EDARADD: variants seen among roughly 807,000 people sequenced by gnomAD.
EDARADD encodes the protein EDAR associated via death domain.
EDARADD carries 20 observed loss-of-function variants against 25.6 expected under a neutral mutation model. That is an observed-to-expected ratio of 0.78 (90% CI 0.55 to 1.14). EDARADD has a LOEUF of 1.14. EDARADD is among the 50% of genes most tolerant of loss of function. EDARADD has a pLI of 0.00. For missense variants in EDARADD, 225 were observed against 270.1 expected, an observed-to-expected ratio of 0.83 and a Z score of 1.17; for synonymous variants, 86 against 94.4, an observed-to-expected ratio of 0.91 and a Z score of 0.52.
intron 3 of EDARADD, among the ~76,000 whole-genome samples, chr1:236,416,182 C>A (rs368752387): frequency 6.6e-6 from 1 of 152,132 alleles, no homozygotes; most frequent in Non-Finnish European, 1.5e-5. Context: ...CTCAGCACAG[C>A]GGGGAGGACA....
chr1:236,414,048 C>T lies in EDARADD; in HGVS notation c.121-212C>T, dbSNP rs759391433. On this transcript the variant is annotated intron_variant, in intron 2 of 5. Transcript: ENST00000334232. Reference sequence around the variant, plus strand: ...GAAATTTGGAAGCCTTATTCTGTTTCATGTTCCAGCATTAACCTCTTGTCA... The same window carrying T: ...GAAATTTGGAAGCCTTATTCTGTTTTATGTTCCAGCATTAACCTCTTGTCA... Among the ~76,000 whole-genome samples the T allele has an allele frequency of 3.3e-5, 5 of 152,236 alleles. No individual in the cohort carries two copies. In the South Asian group the frequency reaches 6.2e-4, roughly 19 times the overall value.
chr1:236,433,890 C>A (rs1162613452), intron 4 of EDARADD, among the ~76,000 whole-genome samples: 4 of 148,086 alleles, frequency 2.7e-5, no homozygotes, highest in Admixed American at 6.7e-5. Context: ...AACAAACAAA[C>A]AAAAAAAACA....
rs1667352833 is a variant in EDARADD, at chr1:236,386,446, G to A, written c.-5-22770G>A. On this transcript the variant is annotated intron_variant, in intron 3 of 7. Transcript: ENST00000439430. ...AAGTGAGGAGCATCTCCGCCCGGCC[G>A]CCATCCCATCTAGGAAGTGAGGAGC... Among the ~76,000 whole-genome samples the A allele has an allele frequency of 7.4e-5, 2 of 27,176 alleles. 1 individual carries two copies. Among genetic ancestry groups the A allele is most frequent in the Non-Finnish European group, 1.5e-4 (2 of 13,396 alleles). 17.8% of individuals were successfully genotyped at this position (27,176 alleles called of 152,430 possible).
intron 3 of EDARADD, among the ~76,000 whole-genome samples, chr1:236,363,006 A>AAAAT (rs1377112051): frequency 2.8e-4 from 12 of 42,940 alleles, no homozygotes; most frequent in African/African-American, 6.6e-4. Flanking sequence ...AAAAAAAAAA[A>AAAAT]ATATATATAT....
chr1:236,390,283 T>A (rs4659663), upstream of EDARADD, among the ~76,000 whole-genome samples: 1 of 151,958 alleles, frequency 6.6e-6, no homozygotes, highest in East Asian at 1.9e-4. Flanking sequence ...TGGCCGGGCG[T>A]GGTGGCTCAT....
At chr1:236,435,393 A>C (rs965096726) in intron 4 of EDARADD, among the ~76,000 whole-genome samples, 4 of 152,106 alleles carry the variant, frequency 2.6e-5, no homozygotes, top group Non-Finnish European at 4.4e-5. Flanking sequence ...GAGGGCAGGG[A>C]CTCCTGTGTC....
intron 1 of EDARADD, among the ~76,000 whole-genome samples, chr1:236,396,761 G>A (rs1335610513): frequency 6.6e-6 from 1 of 151,060 alleles, no homozygotes; most frequent in African/African-American, 2.4e-5. Context: ...TAAATACATT[G>A]TCTAGATATT....
intron 2 of EDARADD, among the ~76,000 whole-genome samples, chr1:236,413,383 T>C (rs1363462536): frequency 6.6e-6 from 1 of 152,226 alleles, no homozygotes; most frequent in African/African-American, 2.4e-5. Context: ...GGAAAGGCAC[T>C]TAAAACAAAA....
chr1:236,424,154 C>CTTTTTTT (rs34454343), intron 3 of EDARADD, among the ~76,000 whole-genome samples: 45 of 74,420 alleles, frequency 6.0e-4, no homozygotes, highest in African/African-American at 1.4e-3. Flanking sequence ...TGTGAAGCAT[C>CTTTTTTT]TTTTTTTTTT....
At chr1:236,470,611 T>C (rs1331982996) in intron 5 of EDARADD, among the ~76,000 whole-genome samples, 1 of 152,126 alleles carries the variant, frequency 6.6e-6, no homozygotes, top group Non-Finnish European at 1.5e-5. Flanking sequence ...TTGTTATTTT[T>C]TTTGTTTTTT....
intron 4 of EDARADD, 118 bp downstream of exon 4, chr1:236,427,568 C>A (rs1024171773): frequency 2.2e-5 from 22 of 997,912 alleles, no homozygotes; most frequent in Non-Finnish European, 3.0e-5. Context: ...AGATCATAAA[C>A]AGGGTTTGCA....
intron 5 of EDARADD, among the ~76,000 whole-genome samples, chr1:236,469,454 C>T (rs1233441910): frequency 6.6e-6 from 1 of 152,026 alleles, no homozygotes; most frequent in Admixed American, 6.6e-5. Flanking sequence ...GCCTGGGTGA[C>T]AGAGCAAGAC....
rs1046547458 is a variant in EDARADD, at chr1:236,394,373, G to A, written c.-72G>A. 39 of 1,525,452 alleles carry A rather than the reference G, an allele frequency of 2.6e-5. No individual in the cohort carries two copies. In the Middle Eastern group the frequency reaches 1.7e-3, roughly 66 times the overall value. The allele number at this position is 1,525,452 out of a possible 1,614,324, so 94.5% of individuals were successfully genotyped here. On this transcript the variant is annotated 5_prime_UTR_variant, in exon 1 of 6. Coordinates refer to ENST00000334232, the MANE Select transcript of EDARADD (RefSeq NM_145861.4). ...TTGACTCTGGCCAGACAACCAGCGAGCATCTTCTCGCAATCTGTTGCTTCT... is the reference window on the plus strand; with the variant it reads ...TTGACTCTGGCCAGACAACCAGCGAACATCTTCTCGCAATCTGTTGCTTCT...
chr1:236,428,864 G>C (rs34272673), intron 4 of EDARADD, among the ~76,000 whole-genome samples: 67,161 of 150,618 alleles, frequency 0.45, 17,231 homozygotes, highest in Non-Finnish European at 0.59. Context: ...CTGAGTGAGC[G>C]AGACTCTGTC....
intron 1 of EDARADD, among the ~76,000 whole-genome samples, chr1:236,405,949 A>G (rs1667726681): frequency 9.9e-6 from 1 of 100,928 alleles, no homozygotes; most frequent in African/African-American, 4.0e-5. Flanking sequence ...TTTTCTGCTC[A>G]TTCTAATTTT....
intron 3 of EDARADD, among the ~76,000 whole-genome samples, chr1:236,373,137 G>A (rs1398339924): frequency 2.5e-4 from 38 of 151,718 alleles, no homozygotes; most frequent in African/African-American, 8.7e-4. Flanking sequence ...GCATGGTCTC[G>A]ATCTCCTGAC....
chr1:236,374,043 C>T (rs1667198937), intron 3 of EDARADD, among the ~76,000 whole-genome samples: 1 of 151,948 alleles, frequency 6.6e-6, no homozygotes, highest in Non-Finnish European at 1.5e-5. Flanking sequence ...TGTGTAATTT[C>T]TATTCTTTTA....
chr1:236,411,598 A>G (rs2103009141), intron 2 of EDARADD, among the ~76,000 whole-genome samples: 1 of 150,618 alleles, frequency 6.6e-6, no homozygotes, highest in African/African-American at 2.4e-5. Flanking sequence ...CTGGAGTGCA[A>G]TATGCAATGG....
intron 2 of EDARADD, among the ~76,000 whole-genome samples, chr1:236,413,805 T>G (rs1299049911): frequency 6.6e-6 from 1 of 152,192 alleles, no homozygotes; most frequent in East Asian, 1.9e-4. Flanking sequence ...GAAGGGATCT[T>G]TTGAATCATC....
Sources: gnomAD v4.1 joint callset for allele counts (sites outside exome capture counted in the v4.1 genomes callset) on GRCh38, gnomAD v4.1.1 for gene constraint, MANE v1.5 for transcripts, NCBI Gene and HGNC (gene_info 2026-07-23, HGNC 2026-07-21) for gene names.